The following ORC2 variants were observed in gnomAD, a reference collection of about 807,000 sequenced individuals.
ORC2 encodes the protein origin recognition complex subunit 2.
ORC2 carries 37 observed loss-of-function variants against 77.7 expected under a neutral mutation model. The ratio of observed to expected loss-of-function variants is 0.48; its 90% CI spans 0.37 to 0.63. The LOEUF is 0.63. ORC2 is among the 20% of genes least tolerant of loss of function. The pLI is 0.00. For synonymous variants in ORC2, 201 were observed against 229.5 expected, an observed-to-expected ratio of 0.88 and a Z score of 1.12; for missense variants, 557 against 661.9, an observed-to-expected ratio of 0.84 and a Z score of 1.74.
chr2:200,946,237 A>G (rs1477598710), intron 5 of ORC2, among the ~76,000 whole-genome samples: 1 of 151,810 alleles, frequency 6.6e-6, no homozygotes, highest in African/African-American at 2.4e-5. Flanking sequence ...TGATCCTCTT[A>G]CCTTTTCCTC....
intron 8 of ORC2, among the ~76,000 whole-genome samples, chr2:200,936,755 C>T (rs1449974962): frequency 1.3e-5 from 2 of 152,088 alleles, no homozygotes; most frequent in East Asian, 3.8e-4. Context: ...CAAGAATTGT[C>T]TTTTTAAACA....
chr2:200,949,880 T>C (rs939706906), intron 4 of ORC2, among the ~76,000 whole-genome samples: 1 of 152,144 alleles, frequency 6.6e-6, no homozygotes, highest in Non-Finnish European at 1.5e-5. Flanking sequence ...TACAAAACCA[T>C]AGCAAAACCC....
intron 15 of ORC2, among the ~76,000 whole-genome samples, chr2:200,914,272 TCTC>T (rs937799327): frequency 6.6e-6 from 1 of 151,772 alleles, no homozygotes; most frequent in African/African-American, 2.4e-5. Context: ...TTCACGCCAT[TCTC>T]CTGCCTCAGC....
chr2:200,940,696 GGA>G (rs1379355330), intron 7 of ORC2, among the ~76,000 whole-genome samples: 1 of 152,094 alleles, frequency 6.6e-6, no homozygotes, highest in Admixed American at 6.6e-5. Flanking sequence ...CAGCTACTCA[GGA>G]GGCTGAGGTG....
At position 200,935,403 on chromosome 2, in the gene ORC2, A is replaced by T. The variant is rs922217224; in HGVS notation, c.708+296T>A. Among the ~76,000 whole-genome samples, 3 of 152,326 alleles carry T rather than the reference A, an allele frequency of 2.0e-5. No homozygotes were observed. In the South Asian group the frequency reaches 6.2e-4, roughly 32 times the overall value. ...CTCCCAAAGTGCTGGGATTACAGGC[A>T]TGAGCCACTGTGCCCAGCCTAAAAA... is the stretch of plus-strand genomic sequence containing the variant. On this transcript the variant is annotated intron_variant, in intron 9 of 17. Transcript: ENST00000234296.
rs1326425212 is a variant in ORC2, at chr2:200,933,961, TCTA to T, written c.719_721del (p.Val240del). The T allele has an allele frequency of 1.3e-6, 2 of 1,597,404 alleles. No individual in the cohort carries two copies. Among genetic ancestry groups the T allele is most frequent in the East Asian group, 2.2e-5 (1 of 44,678 alleles). The stretch of plus-strand genomic sequence containing the variant: ...ACTGCTGTGAGCTTCAAAATATTCT[TCTA>T]CTAAGTCACTCTGAAAGTGAACAGA... On this transcript the variant is annotated inframe_deletion, in exon 10 of 18. Transcript: ENST00000234296.
rs560716394 is a variant in ORC2 at position 200,954,366 on chromosome 2, T to C, written c.238+3035A>G. Among the ~76,000 whole-genome samples the C allele has an allele frequency of 5.3e-5, 8 of 152,286 alleles. No homozygotes were observed. The South Asian group carries it at 1.7e-3, about 32-fold the overall frequency. On this transcript the variant is annotated intron_variant, in intron 4 of 17. Coordinates refer to ENST00000234296, the MANE Select transcript of ORC2 (RefSeq NM_006190.5). ...AGTCTTTAGGAAAATGTAACTATGA[T>C]TAAATAGTGTAATCTGTATAAACTT... is the stretch of plus-strand genomic sequence containing the variant.
chr2:200,946,461 T>C (rs540806135), intron 5 of ORC2, among the ~76,000 whole-genome samples: 1 of 152,330 alleles, frequency 6.6e-6, no homozygotes, highest in East Asian at 1.9e-4. Flanking sequence ...ACAAAGATTA[T>C]AGAAAGTCTG....
At chr2:200,961,215 A>T (rs887536758) in intron 1 of ORC2, among the ~76,000 whole-genome samples, 3 of 150,858 alleles carry the variant, frequency 2.0e-5, no homozygotes, top group Middle Eastern at 3.4e-3. Context: ...AGGGTCATTC[A>T]GCTCTGTCAC....
intron 5 of ORC2, among the ~76,000 whole-genome samples, chr2:200,948,897 A>T (rs2041298953): frequency 6.6e-6 from 1 of 152,048 alleles, no homozygotes; most frequent in Admixed American, 6.5e-5. Flanking sequence ...ATCAATTCAG[A>T]ATATCTCTAT....
chr2:200,927,188 A>C (rs1009790723), intron 11 of ORC2, among the ~76,000 whole-genome samples: 3 of 151,606 alleles, frequency 2.0e-5, no homozygotes, highest in African/African-American at 7.3e-5. Flanking sequence ...GGTTCAAGCA[A>C]CTCTTCAGCG....
intron 13 of ORC2, among the ~76,000 whole-genome samples, chr2:200,925,323 CT>C (rs2040823889): frequency 6.6e-6 from 1 of 151,970 alleles, no homozygotes; most frequent in Non-Finnish European, 1.5e-5. Flanking sequence ...CAGAAACAGG[CT>C]TTTGGATATA....
chr2:200,932,833 G>A (rs992681800), intron 10 of ORC2, among the ~76,000 whole-genome samples: 7 of 152,112 alleles, frequency 4.6e-5, no homozygotes, highest in African/African-American at 1.4e-4. Context: ...CTGGTCCAAC[G>A]AGGAAAAGAA....
intron 7 of ORC2, among the ~76,000 whole-genome samples, chr2:200,940,578 G>A (rs1412987330): frequency 1.3e-5 from 2 of 151,792 alleles, no homozygotes; most frequent in Non-Finnish European, 2.9e-5. Flanking sequence ...CAGGTGGATG[G>A]ATCACTTGAG....
At position 200,931,444 on chromosome 2, in the gene ORC2, G is replaced by A. The variant is rs375954972; in HGVS notation, c.812C>T (p.Thr271Ile). Residue 271 changes from threonine to isoleucine, a missense_variant, in exon 11 of 18, where the codon ACT (threonine) becomes ATT (isoleucine). Coordinates refer to ENST00000234296, the MANE Select transcript of ORC2 (RefSeq NM_006190.5). ...AACCTTGCTCAATAAGTTACGCAAA[G>A]TTTGCTTTAAAAAAAAGGAGGAGGG... is the stretch of plus-strand genomic sequence containing the variant. ...KLKRAKLDQQ[T>I]LRNLLSKVSP... 33 of 1,547,172 alleles carry A rather than the reference G, an allele frequency of 2.1e-5. No individual in the cohort carries two copies. In the African/African-American group the frequency reaches 4.5e-4, roughly 21 times the overall value.
In ORC2 at chr2:200,909,631, G is replaced by C. The variant is rs2040517415; in HGVS notation, c.*1670C>G. 1 of 150,478 alleles carries C rather than the reference G, an allele frequency of 6.6e-6. No individual in the cohort carries two copies. The highest frequency in any genetic ancestry group is 2.1e-4 in the South Asian group (1 of 4,760). 9.3% of individuals were successfully genotyped at this position (150,478 alleles called of 1,614,324 possible). On this transcript the variant is annotated 3_prime_UTR_variant, in exon 18 of 18. Coordinates refer to ENST00000234296, the MANE Select transcript of ORC2 (RefSeq NM_006190.5). ...CACAAGAATCACTTGAACCCAGGAG[G>C]TGGAGGCTGCTGTAAGCTTAGATCA...
chr2:200,917,733 G>A (rs1434930500), intron 15 of ORC2, among the ~76,000 whole-genome samples: 2 of 152,100 alleles, frequency 1.3e-5, no homozygotes, highest in Non-Finnish European at 2.9e-5. Flanking sequence ...TGAGATGGTG[G>A]TGGTTGGTGG....
intron 1 of ORC2, among the ~76,000 whole-genome samples, chr2:200,960,820 A>G (rs1383264157): frequency 6.6e-6 from 1 of 151,994 alleles, no homozygotes; most frequent in Non-Finnish European, 1.5e-5. Context: ...GCTGTGTCCC[A>G]GGCTGGAGTG....
At chr2:200,934,130 A>G (rs973414453) in intron 9 of ORC2, among the ~76,000 whole-genome samples, 156 bp from the exon 10 acceptor site, 14 of 152,344 alleles carry the variant, frequency 9.2e-5, no homozygotes, top group African/African-American at 3.1e-4. Flanking sequence ...GACCAAGCAT[A>G]TTTAATTTCA....
Sources: gnomAD v4.1 joint callset for allele counts (sites outside exome capture counted in the v4.1 genomes callset) on GRCh38, gnomAD v4.1.1 for gene constraint, MANE v1.5 for transcripts, NCBI Gene and HGNC (gene_info 2026-07-23, HGNC 2026-07-21) for gene names.